Variants in CEP104 observed in about 807,000 individuals in gnomAD.
CEP104 encodes the protein centrosomal protein of 104 kDa.
In CEP104, 84 loss-of-function variants were observed where a neutral mutation model predicts 113.3. The observed-to-expected ratio is 0.74, with a 90% confidence interval of 0.62 to 0.89. CEP104 has a LOEUF of 0.89. Ranked by LOEUF, CEP104 falls within the 40% of genes least tolerant of loss-of-function variation. CEP104 has a pLI of 0.00. For synonymous variants in CEP104, 378 were observed against 421.7 expected (o/e 0.90, Z 1.27); for missense variants, 1,053 against 1,156.6 (o/e 0.91, Z 1.30).
chr1:3,852,855 T>A (rs1044303957), intron 1 of CEP104, among the ~76,000 whole-genome samples: 1 of 152,130 alleles, frequency 6.6e-6, no homozygotes. Flanking sequence ...GAGAGCGCCA[T>A]GTGGTGACAG....
intron 12 of CEP104, 142 bp downstream of exon 12, chr1:3,833,720 A>G: frequency 1.3e-6 from 1 of 745,260 alleles, no homozygotes; most frequent in Non-Finnish European, 2.1e-6. Context: ...CTTTTAGAGC[A>G]TAAGGAAAGT....
In CEP104 at chr1:3,839,619, C is replaced by T. The variant is rs976294074; in HGVS notation, c.724G>A (p.Asp242Asn). The change falls in exon 7 of 22, where the codon GAT (aspartate) becomes AAT (asparagine). Residue 242 changes from aspartate (D) to asparagine (N), a missense_variant. Coordinates refer to ENST00000378230, the MANE Select transcript of CEP104 (RefSeq NM_014704.4). ...YAKKLKQAIA[D>N]LQKVGERLGR... ...TCCAAAGGCAATACCTTTTGCAAAT[C>T]AGCAATGGCTTGTTTTAGTTTCTTG... The T allele has an allele frequency of 1.2e-6, 2 of 1,611,814 alleles. No individual in the cohort carries two copies. Among genetic ancestry groups the T allele is most frequent in the Non-Finnish European group, 1.7e-6 (2 of 1,179,372 alleles).
chr1:3,845,434 G>A, intron 4 of CEP104, 83 bp from the exon 5 acceptor site: 1 of 1,062,792 alleles, frequency 9.4e-7, no homozygotes, highest in Admixed American at 1.9e-5. Flanking sequence ...TTGAGACAGG[G>A]TCTCGTCTGT....
chr1:3,847,428 CAAAGAAG>C (rs758957727), intron 4 of CEP104, 40 bp downstream of exon 4: 24 of 1,513,140 alleles, frequency 1.6e-5, no homozygotes, highest in Non-Finnish European at 2.1e-5. Context: ...CATAATCCCA[CAAAGAAG>C]GTAGGGGCAG....
intron 12 of CEP104, 153 bp downstream of exon 12, chr1:3,833,709 C>A: frequency 3.1e-6 from 2 of 649,724 alleles, no homozygotes; most frequent in East Asian, 2.8e-5. Flanking sequence ...ACAAAACTGA[C>A]CTTTTAGAGC....
At chr1:3,841,013 T>C (rs1244628396) in intron 6 of CEP104, among the ~76,000 whole-genome samples, 1 of 152,200 alleles carries the variant, frequency 6.6e-6, no homozygotes, top group African/African-American at 2.4e-5. Flanking sequence ...TCTGATTAAA[T>C]ATGACCTCTA....
chr1:3,815,538 C>T (rs2124628942), intron 21 of CEP104, 21 bp from the exon 22 acceptor site: 1 of 1,553,098 alleles, frequency 6.4e-7, no homozygotes, highest in African/African-American at 1.4e-5. Context: ...AGCACAGGAC[C>T]TGCATTAGGA....
Position 3,857,199 on chromosome 1 carries a change from C to G in CEP104, c.-325G>C, listed in dbSNP as rs532029629. ...CCGCAGCCTCCACTCTCATGACAACCAAGCCCAGCCCTGGGCCAGGGCCTC... is the reference window on the plus strand; with the variant it reads ...CCGCAGCCTCCACTCTCATGACAACGAAGCCCAGCCCTGGGCCAGGGCCTC... On this transcript the variant is annotated 5_prime_UTR_variant, in exon 1 of 22. Coordinates refer to ENST00000378230, the MANE Select transcript of CEP104 (RefSeq NM_014704.4). The G allele has an allele frequency of 4.0e-3, 651 of 161,036 alleles. No homozygotes were observed. Among genetic ancestry groups the G allele is most frequent in the African/African-American group, 0.015 (622 of 41,936 alleles). The allele number at this position is 161,036 out of a possible 1,614,324, so 10.0% of individuals were successfully genotyped here. A position where few individuals can be genotyped will look rare whatever the true frequency, so the allele number is the denominator to read the frequency against.
intron 18 of CEP104, 79 bp downstream of exon 18, chr1:3,825,679 A>G: frequency 1.1e-6 from 1 of 907,848 alleles, no homozygotes; most frequent in East Asian, 2.4e-5. Flanking sequence ...AAGACTTGGG[A>G]CAGCTTTTTG....
chr1:3,825,311 A>G (rs567652982), intron 18 of CEP104, among the ~76,000 whole-genome samples: 83 of 152,350 alleles, frequency 5.4e-4, no homozygotes, highest in Non-Finnish European at 7.5e-4. Flanking sequence ...ATCCTGGAAG[A>G]CACCAGAACG....
At chr1:3,851,838 G>A (rs975378676) in intron 2 of CEP104, among the ~76,000 whole-genome samples, 9 of 152,130 alleles carry the variant, frequency 5.9e-5, no homozygotes, top group South Asian at 4.1e-4. Flanking sequence ...AAGTATACGC[G>A]TGTTTAAGAG....
At chr1:3,816,827 G>A (rs12747978) in intron 20 of CEP104, among the ~76,000 whole-genome samples, 24,124 of 152,294 alleles carry the variant, frequency 0.16, 2,183 homozygotes, top group African/African-American at 0.24. Context: ...CCTGAGCCAC[G>A]CCACATGCAC....
At chr1:3,817,176 C>G (rs1643892970) in intron 20 of CEP104, among the ~76,000 whole-genome samples, 1 of 152,140 alleles carries the variant, frequency 6.6e-6, no homozygotes, top group Non-Finnish European at 1.5e-5. Flanking sequence ...ACTAAAAACA[C>G]AAAATTAGCT....
rs185625160 is a variant in CEP104 at position 3,817,813 on chromosome 1, G to A, written c.2572-1443C>T. On this transcript the variant is annotated intron_variant, in intron 20 of 21. Coordinates refer to ENST00000378230, the MANE Select transcript of CEP104 (RefSeq NM_014704.4). Reference sequence around the variant, plus strand: ...GGGACAGTGGCAGACACGTGGCAGGGCAGGCTGAAATGAACTCATGCGCCT... The same window carrying A: ...GGGACAGTGGCAGACACGTGGCAGGACAGGCTGAAATGAACTCATGCGCCT... 2.7e-3 allele frequency among the ~76,000 whole-genome samples: 407 copies of A among 152,348 alleles called. 1 individual carries two copies. Among genetic ancestry groups the A allele is most frequent in the Non-Finnish European group, 4.6e-3 (310 of 68,036 alleles).
chr1:3,835,178 T>G (rs1644287286), intron 10 of CEP104, 86 bp from the exon 11 acceptor site: 4 of 972,208 alleles, frequency 4.1e-6, no homozygotes, highest in Non-Finnish European at 5.7e-6. Flanking sequence ...TTTTTTTAAC[T>G]AAAATGATTC....
chr1:3,830,977 C>A, intron 13 of CEP104, 69 bp downstream of exon 13: 2 of 1,437,462 alleles, frequency 1.4e-6, no homozygotes, highest in South Asian at 1.3e-5. Context: ...CCGATGAGAC[C>A]CTCGCCACGC....
chr1:3,850,770 T>C (rs1644595998), intron 2 of CEP104, among the ~76,000 whole-genome samples: 1 of 152,220 alleles, frequency 6.6e-6, no homozygotes, highest in Non-Finnish European at 1.5e-5. Flanking sequence ...CAGATCCTTT[T>C]CTTGGGTACA....
intron 15 of CEP104, 43 bp from the exon 16 acceptor site, chr1:3,826,787 TGTGA>T (rs768501227): frequency 1.7e-5 from 26 of 1,560,472 alleles, no homozygotes; most frequent in African/African-American, 1.2e-4. Flanking sequence ...AGGGCTGCAG[TGTGA>T]GTGAGTGAGA....
At chr1:3,830,561 C>T (rs1644184192) in intron 13 of CEP104, among the ~76,000 whole-genome samples, 1 of 151,962 alleles carries the variant, frequency 6.6e-6, no homozygotes, top group Admixed American at 6.6e-5. Flanking sequence ...ATCACGAGGT[C>T]AGGAGATCGA....
Sources: gnomAD v4.1 joint callset for allele counts (sites outside exome capture counted in the v4.1 genomes callset) on GRCh38, gnomAD v4.1.1 for gene constraint, MANE v1.5 for transcripts, NCBI Gene and HGNC (gene_info 2026-07-23, HGNC 2026-07-21) for gene names.